The following CSMD1 variants were observed in gnomAD, a reference collection of about 807,000 sequenced individuals.
CSMD1 encodes the protein CUB and Sushi multiple domains 1.
In CSMD1, 213 loss-of-function variants were observed where a neutral mutation model predicts 417.5. That is an observed-to-expected ratio of 0.51 (90% confidence interval 0.46 to 0.57). The LOEUF (loss-of-function observed/expected upper bound fraction) is 0.57. Ranked by LOEUF, CSMD1 falls within the 20% of genes least tolerant of loss-of-function variation. The pLI is 0.00. For missense variants in CSMD1, 6,923 were observed against 4,529.7 expected (o/e 1.53, Z -15.17); for synonymous variants, 2,862 against 1,736.8 (o/e 1.65, Z -16.11).
At chr8:4,453,428 T>C (rs1218129213) in intron 2 of CSMD1, among the ~76,000 whole-genome samples, 4 of 152,164 alleles carry the variant, frequency 2.6e-5, no homozygotes, top group Non-Finnish European at 4.4e-5. Flanking sequence ...ACTGGACAGT[T>C]AGTCACCCGT....
At chr8:3,973,197 G>C (rs1439278154) in intron 5 of CSMD1, among the ~76,000 whole-genome samples, 1 of 152,172 alleles carries the variant, frequency 6.6e-6, no homozygotes, top group African/African-American at 2.4e-5. Context: ...TTAAATGGTG[G>C]TGCTGCATGC....
At chr8:4,280,254 T>A (rs1796705014) in intron 3 of CSMD1, among the ~76,000 whole-genome samples, 2 of 152,252 alleles carry the variant, frequency 1.3e-5, no homozygotes, top group African/African-American at 2.4e-5. Flanking sequence ...TAGCTTTGTA[T>A]ATTGCAGTAT....
At chr8:4,155,199 A>G (rs1010055579) in intron 3 of CSMD1, among the ~76,000 whole-genome samples, 8 of 152,212 alleles carry the variant, frequency 5.3e-5, no homozygotes, top group Non-Finnish European at 1.0e-4. Context: ...GTCCTTTTGC[A>G]GTTTGTAACA....
At chr8:3,101,423 GCTGA>G (rs1340936031) in intron 46 of CSMD1, among the ~76,000 whole-genome samples, 2 of 152,144 alleles carry the variant, frequency 1.3e-5, no homozygotes, top group South Asian at 2.1e-4. Flanking sequence ...TCCATATAAG[GCTGA>G]CTACTTTTTT....
chr8:3,499,959 C>G (rs191602547), intron 10 of CSMD1, among the ~76,000 whole-genome samples: 37 of 152,216 alleles, frequency 2.4e-4, no homozygotes, highest in Middle Eastern at 6.8e-3. Flanking sequence ...ATGTGGGCTG[C>G]AGGTAGCTCC....
intron 5 of CSMD1, among the ~76,000 whole-genome samples, chr8:3,986,009 C>T (rs1814294629): frequency 1.3e-5 from 2 of 152,038 alleles, no homozygotes; most frequent in Non-Finnish European, 1.5e-5. Flanking sequence ...CCCACCCACT[C>T]CCCTGCTTCT....
At chr8:3,833,896 A>C (rs1157856533) in intron 5 of CSMD1, among the ~76,000 whole-genome samples, 1 of 152,140 alleles carries the variant, frequency 6.6e-6, no homozygotes, top group Non-Finnish European at 1.5e-5. Context: ...CCAAGTCTAT[A>C]ATCCTATTTT....
rs1447480323 is a variant in CSMD1 at position 3,839,434 on chromosome 8, A to ATATATTATAATATAAT, written c.819-85393_819-85392insATTATATTATAATATA. ...AAAAAATAAATATATATAATAAATT[A>ATATATTATAATATAAT]ATATTATATATTATAATATAATATA... On this transcript the variant is annotated intron_variant, in intron 5 of 69. Transcript: ENST00000635120. 2.9e-5 allele frequency among the ~76,000 whole-genome samples: 3 copies of ATATATTATAATATAAT among 102,888 alleles called. No homozygotes were observed. The East Asian group carries it at 9.4e-4, about 32-fold the overall frequency. 67.5% of individuals were successfully genotyped at this position (102,888 alleles called of 152,430 possible).
At chr8:4,490,583 G>A (rs1054608214) in intron 2 of CSMD1, among the ~76,000 whole-genome samples, 2 of 152,094 alleles carry the variant, frequency 1.3e-5, no homozygotes, top group African/African-American at 4.8e-5. Flanking sequence ...TTCTCATCAA[G>A]GAGATCACAA....
intron 5 of CSMD1, among the ~76,000 whole-genome samples, chr8:3,787,273 A>C (rs1799501402): frequency 6.6e-6 from 1 of 152,208 alleles, no homozygotes; most frequent in South Asian, 2.1e-4. Flanking sequence ...AGTTGTGAAA[A>C]ACCATAATCA....
At chr8:4,507,957 C>G (rs1453521809) in intron 2 of CSMD1, among the ~76,000 whole-genome samples, 1 of 151,950 alleles carries the variant, frequency 6.6e-6, no homozygotes, top group Non-Finnish European at 1.5e-5. Context: ...AGGGGACCCT[C>G]ATAGTAGAGA....
intron 1 of CSMD1, among the ~76,000 whole-genome samples, chr8:4,772,164 G>C (rs11783524): frequency 0.35 from 53,064 of 151,890 alleles, 10,034 homozygotes; most frequent in Admixed American, 0.49. Flanking sequence ...TGGTAGGGAT[G>C]AAGTCCTGTT....
chr8:3,833,944 G>A (rs1445808827), intron 5 of CSMD1, among the ~76,000 whole-genome samples: 3 of 152,102 alleles, frequency 2.0e-5, no homozygotes, highest in African/African-American at 4.8e-5. Flanking sequence ...GTTGGTTGTT[G>A]CTGTTGTTAT....
intron 3 of CSMD1, among the ~76,000 whole-genome samples, chr8:4,349,545 G>T: frequency 6.6e-6 from 1 of 152,022 alleles, no homozygotes; most frequent in East Asian, 1.9e-4. Context: ...TCTATACCAT[G>T]CTTTTTTATA....
intron 1 of CSMD1, among the ~76,000 whole-genome samples, chr8:4,876,006 G>C (rs1563650592): frequency 6.6e-6 from 1 of 151,936 alleles, no homozygotes; most frequent in South Asian, 2.1e-4. Context: ...ATAGTAAAGA[G>C]TAAAAAGTTA....
intron 5 of CSMD1, among the ~76,000 whole-genome samples, chr8:3,893,364 A>ATATATATTAT (rs1807124067): frequency 9.6e-4 from 36 of 37,664 alleles, no homozygotes; most frequent in Non-Finnish European, 1.6e-3. Context: ...TATATATATT[A>ATATATATTAT]TTTTTTTTCT....
At chr8:4,650,689 CTG>C (rs1349948711) in intron 1 of CSMD1, among the ~76,000 whole-genome samples, 1 of 151,082 alleles carries the variant, frequency 6.6e-6, no homozygotes, top group Non-Finnish European at 1.5e-5. Flanking sequence ...GTAGTTGATT[CTG>C]TGTGTGATTT....
chr8:4,394,651 A>C (rs972022024), intron 3 of CSMD1, among the ~76,000 whole-genome samples: 4 of 144,848 alleles, frequency 2.8e-5, no homozygotes, highest in African/African-American at 7.4e-5. Context: ...ATAGTAGTAG[A>C]ATTTCTCCTT....
chr8:4,122,143 C>T (rs980278874), intron 3 of CSMD1, among the ~76,000 whole-genome samples: 5 of 151,932 alleles, frequency 3.3e-5, no homozygotes, highest in African/African-American at 1.2e-4. Context: ...TACATAATGT[C>T]GCTAAGTTAT....
Sources: gnomAD v4.1 joint callset for allele counts (sites outside exome capture counted in the v4.1 genomes callset) on GRCh38, gnomAD v4.1.1 for gene constraint, MANE v1.5 for transcripts, NCBI Gene and HGNC (gene_info 2026-07-23, HGNC 2026-07-21) for gene names.